The following BICC1 variants were observed in gnomAD, a reference collection of about 807,000 sequenced individuals.
The protein encoded by BICC1 is BicC family RNA binding protein 1, also known as protein bicaudal C homolog 1.
Under a neutral mutation model 111.0 loss-of-function variants are expected in BICC1, and 43 were observed. The observed-to-expected ratio is 0.39, with a 90% confidence interval of 0.30 to 0.50. The LOEUF (loss-of-function observed/expected upper bound fraction) is 0.50, where lower values mean the gene tolerates loss of function less well. BICC1 is among the 20% of genes least tolerant of loss of function. BICC1 has a pLI of 0.88. For missense variants in BICC1, 1,091 were observed against 1,203.2 expected (o/e 0.91, Z 1.38); for synonymous variants, 467 against 434.4 (o/e 1.07, Z -0.93).
At position 58,793,552 on chromosome 10, in the gene BICC1, G is replaced by A. The variant is rs772622061; in HGVS notation, c.1116G>A (p.Ala372=). The change falls in exon 9 of 21, where the codon GCG becomes GCA. Residue 372 remains alanine, a synonymous_variant. Transcript: ENST00000373886. ...EEIEVDPQFI[A]QLMEQLDVFI... ...TTGAAGTAGATCCACAATTCATTGCGCAGTTGATGGAACAGCTTGATGTCT... is the reference window on the plus strand; with the variant it reads ...TTGAAGTAGATCCACAATTCATTGCACAGTTGATGGAACAGCTTGATGTCT... The A allele has an allele frequency of 9.3e-6, 15 of 1,613,472 alleles. No homozygotes were observed. The highest frequency in any genetic ancestry group is 3.3e-5 in the Admixed American group (2 of 59,976).
At position 58,714,248 on chromosome 10, in the gene BICC1, G is replaced by C. The variant is rs1407398170; in HGVS notation, c.307+12105G>C. ...CCCGTTAGAACATTTCATGCAGCCT[G>C]GTGCTTCAATTACCTGGCTTCCCTT... On this transcript the variant is annotated intron_variant, in intron 3 of 20. Transcript: ENST00000373886. Among the ~76,000 whole-genome samples, 4 of 152,142 alleles carry C rather than the reference G, an allele frequency of 2.6e-5. No individual in the cohort carries two copies. The East Asian group carries it at 7.7e-4, about 29-fold the overall frequency.
intron 10 of BICC1, among the ~76,000 whole-genome samples, chr10:58,797,231 A>G (rs1393535342): frequency 2.0e-5 from 3 of 152,174 alleles, no homozygotes; most frequent in African/African-American, 7.2e-5. Flanking sequence ...CACATTTCTC[A>G]GTTGCATTTA....
At chr10:58,697,891 C>T (rs966325669) in intron 2 of BICC1, among the ~76,000 whole-genome samples, 3 of 151,896 alleles carry the variant, frequency 2.0e-5, no homozygotes, top group African/African-American at 7.3e-5. Flanking sequence ...TCCACCCACA[C>T]CCCCTGTAGA....
At chr10:58,776,419 C>T (rs1842750345) in intron 3 of BICC1, among the ~76,000 whole-genome samples, 1 of 152,182 alleles carries the variant, frequency 6.6e-6, no homozygotes, top group Non-Finnish European at 1.5e-5. Flanking sequence ...ATCAGTATTC[C>T]TGGGAGAGAG....
chr10:58,535,352 C>T (rs996646897), intron 1 of BICC1, among the ~76,000 whole-genome samples: 1 of 151,346 alleles, frequency 6.6e-6, no homozygotes, highest in African/African-American at 2.4e-5. Context: ...ATCAGGTAAC[C>T]TATTAAGGAA....
chr10:58,597,529 A>G lies in BICC1; in HGVS notation c.191-23326A>G, dbSNP rs557765483. Among the ~76,000 whole-genome samples, 25 of 152,274 alleles carry G rather than the reference A, an allele frequency of 1.6e-4. No individual in the cohort carries two copies. In the East Asian group the frequency reaches 4.8e-3, roughly 29 times the overall value. ...ATAAACATCTTAAACAGCAGAAAAC[A>G]GAGTTTGAGAGCAGAGAACCAGTGT... On this transcript the variant is annotated intron_variant, in intron 1 of 20. Coordinates refer to ENST00000373886, the MANE Select transcript of BICC1 (RefSeq NM_001080512.3).
At chr10:58,696,100 C>A (rs1486835127) in intron 2 of BICC1, among the ~76,000 whole-genome samples, 1 of 151,928 alleles carries the variant, frequency 6.6e-6, no homozygotes. Context: ...CTGCCAAAGC[C>A]CCACAGAAAC....
intron 1 of BICC1, among the ~76,000 whole-genome samples, chr10:58,578,787 C>T (rs1844184227): frequency 6.6e-6 from 1 of 152,112 alleles, no homozygotes; most frequent in South Asian, 2.1e-4. Context: ...AAGAGCCATG[C>T]CCCCTCTCCC....
At chr10:58,814,965 G>A (rs1844042435) in intron 18 of BICC1, among the ~76,000 whole-genome samples, 1 of 152,148 alleles carries the variant, frequency 6.6e-6, no homozygotes, top group Admixed American at 6.6e-5. Context: ...ATTACAGCAT[G>A]GGGGTTCTGG....
chr10:58,628,972 A>G (rs1837712728), intron 2 of BICC1, among the ~76,000 whole-genome samples: 1 of 152,174 alleles, frequency 6.6e-6, no homozygotes, highest in Non-Finnish European at 1.5e-5. Context: ...CTTGGAGACA[A>G]TGTGGCAGAT....
chr10:58,520,085 T>A (rs1842350763), intron 1 of BICC1, among the ~76,000 whole-genome samples: 1 of 152,144 alleles, frequency 6.6e-6, no homozygotes, highest in Admixed American at 6.6e-5. Context: ...GGAGACAGTT[T>A]GATAGAATTA....
intron 3 of BICC1, among the ~76,000 whole-genome samples, chr10:58,749,548 C>T (rs768941471): frequency 5.9e-5 from 9 of 152,100 alleles, no homozygotes; most frequent in Non-Finnish European, 1.3e-4. Flanking sequence ...CACTTAATTT[C>T]GTATAATTCA....
chr10:58,608,305 C>T (rs1845300351), intron 1 of BICC1, among the ~76,000 whole-genome samples: 1 of 152,200 alleles, frequency 6.6e-6, no homozygotes, highest in African/African-American at 2.4e-5. Flanking sequence ...CGCCAGCTTA[C>T]GGGATTCCCT....
intron 1 of BICC1, among the ~76,000 whole-genome samples, chr10:58,539,492 TC>T (rs1432728444): frequency 6.6e-6 from 1 of 151,240 alleles, no homozygotes; most frequent in Non-Finnish European, 1.5e-5. Context: ...GTACCGTTCA[TC>T]CATGTAACCA....
At chr10:58,770,029 TATA>T (rs560714130) in intron 3 of BICC1, among the ~76,000 whole-genome samples, 88 of 152,298 alleles carry the variant, frequency 5.8e-4, no homozygotes, top group African/African-American at 1.9e-3. Context: ...CAGTTTTAAT[TATA>T]ATTGCAAAAT....
intron 1 of BICC1, among the ~76,000 whole-genome samples, chr10:58,543,141 A>G (rs549617891): frequency 2.6e-5 from 4 of 151,564 alleles, no homozygotes; most frequent in African/African-American, 7.3e-5. Context: ...AGAGACAGGG[A>G]TAAAAAAATG....
intron 3 of BICC1, among the ~76,000 whole-genome samples, chr10:58,774,157 C>T (rs1390157125): frequency 6.6e-6 from 1 of 152,168 alleles, no homozygotes; most frequent in African/African-American, 2.4e-5. Context: ...TCCAGTTTCA[C>T]TGGGGAATTC....
At chr10:58,687,316 G>A (rs950438259) in intron 2 of BICC1, among the ~76,000 whole-genome samples, 2 of 152,216 alleles carry the variant, frequency 1.3e-5, no homozygotes, top group African/African-American at 4.8e-5. Context: ...GCTACTCAGG[G>A]ATCAGGGACC....
At chr10:58,687,986 T>TC (rs1287747920) in intron 2 of BICC1, among the ~76,000 whole-genome samples, 1 of 151,986 alleles carries the variant, frequency 6.6e-6, no homozygotes, top group African/African-American at 2.4e-5. Context: ...TCTTGGAACC[T>TC]CCCCCGAGTG....
Sources: gnomAD v4.1 joint callset for allele counts (sites outside exome capture counted in the v4.1 genomes callset) on GRCh38, gnomAD v4.1.1 for gene constraint, MANE v1.5 for transcripts, NCBI Gene and HGNC (gene_info 2026-07-23, HGNC 2026-07-21) for gene names.